The following GCA variants were observed in gnomAD, a reference collection of about 807,000 sequenced individuals.
GCA encodes grancalcin, EF-hand calcium-binding protein.
GCA carries 30 observed loss-of-function variants against 32.6 expected under a neutral mutation model. That is an observed-to-expected ratio of 0.92 (90% CI 0.69 to 1.25). GCA has a LOEUF of 1.25. Ranked by LOEUF, GCA falls within the 50% of genes most tolerant of loss-of-function variation. The pLI is 0.00. For missense variants in GCA, 291 were observed against 266.8 expected (o/e 1.09, Z -0.63); for synonymous variants, 102 against 84.6 (o/e 1.21, Z -1.13).
intron 3 of GCA, among the ~76,000 whole-genome samples, chr2:162,354,817 A>G (rs902922923): frequency 3.9e-5 from 6 of 152,148 alleles, no homozygotes; most frequent in South Asian, 2.1e-4. Flanking sequence ...TATGCCTTAA[A>G]TCAGTTTACT....
chr2:162,367,800 G>T (rs534771867), downstream of GCA, among the ~76,000 whole-genome samples: 1 of 151,986 alleles, frequency 6.6e-6, no homozygotes, highest in South Asian at 2.1e-4. Context: ...AGCATTTTTT[G>T]AGCACCTAGT....
intron 1 of GCA, among the ~76,000 whole-genome samples, chr2:162,321,136 A>C (rs1683648281): frequency 6.6e-6 from 1 of 152,192 alleles, no homozygotes; most frequent in Non-Finnish European, 1.5e-5. Flanking sequence ...GCCAAGACAC[A>C]ATCTCTCACA....
chr2:162,328,394 A>C (rs1683964000), intron 1 of GCA, among the ~76,000 whole-genome samples: 1 of 152,102 alleles, frequency 6.6e-6, no homozygotes, highest in East Asian at 1.9e-4. Context: ...CTGTCTCAAA[A>C]AAGAAAAGAA....
At chr2:162,352,306 CA>C (rs753017915) in intron 2 of GCA, 31 bp from the exon 3 acceptor site, 3 of 1,277,314 alleles carry the variant, frequency 2.3e-6, no homozygotes, top group Non-Finnish European at 2.3e-6. Context: ...TACAACTGCA[CA>C]TTAAATTAGG....
At chr2:162,345,134 G>GGTT (rs1684631838) in intron 1 of GCA, among the ~76,000 whole-genome samples, 1 of 149,352 alleles carries the variant, frequency 6.7e-6, no homozygotes, top group Admixed American at 6.7e-5. Flanking sequence ...TGGTGGTGGT[G>GGTT]GTTGTGGTTG....
intron 1 of GCA, among the ~76,000 whole-genome samples, chr2:162,345,689 G>T (rs1259458126): frequency 6.6e-6 from 1 of 152,012 alleles, no homozygotes; most frequent in Non-Finnish European, 1.5e-5. Flanking sequence ...ATTAATCGCC[G>T]GAAAGAGAAG....
rs977055010 is a variant in GCA at position 162,362,012 on chromosome 2, G to T, written c.*1769G>T. ...TAAAATGACAAATGGTATTATTCATGTAAGCTTCTGCCAGGTGACACTCTA... is the reference window on the plus strand; with the variant it reads ...TAAAATGACAAATGGTATTATTCATTTAAGCTTCTGCCAGGTGACACTCTA... On this transcript the variant is annotated 3_prime_UTR_variant, in exon 8 of 8. Transcript: ENST00000437150. 7.1e-6 allele frequency: 7 copies of T among 982,938 alleles called. No individual in the cohort carries two copies. The East Asian group carries it at 6.9e-4, about 96-fold the overall frequency. The allele number at this position is 982,938 out of a possible 1,614,324, so 60.9% of individuals were successfully genotyped here.
At chr2:162,344,447 C>A in intron 1 of GCA, 172 bp downstream of exon 1, 1 of 638,432 alleles carries the variant, frequency 1.6e-6, no homozygotes, top group South Asian at 1.9e-5. Flanking sequence ...GAGCATTGAT[C>A]CTGGGCTGAC....
At chr2:162,373,535 G>T, downstream of GCA, 1 of 1,589,344 alleles carries the variant, frequency 6.3e-7, no homozygotes, top group Non-Finnish European at 8.6e-7. Context: ...GTTCTCATCA[G>T]CTGGATGATG....
At position 162,350,790 on chromosome 2, in the gene GCA, A is replaced by G. The variant is rs547310593; in HGVS notation, c.193-1548A>G. 9.2e-5 allele frequency among the ~76,000 whole-genome samples: 14 copies of G among 152,322 alleles called. No homozygotes were observed. The East Asian group carries it at 2.5e-3, about 27-fold the overall frequency. On this transcript the variant is annotated intron_variant, in intron 2 of 7. Coordinates refer to ENST00000437150, the MANE Select transcript of GCA (RefSeq NM_012198.5). The stretch of plus-strand genomic sequence containing the variant: ...ACTCCATAAAGACAGGGTTCTGGTC[A>G]TATTTTCCCTACTTGACAGGTAGAT...
chr2:162,358,210 A>G (rs112127973), intron 5 of GCA, among the ~76,000 whole-genome samples: 1 of 151,544 alleles, frequency 6.6e-6, no homozygotes, highest in African/African-American at 2.4e-5. Context: ...TAAAATGTAT[A>G]CATCTCATTA....
downstream of GCA, chr2:162,372,028 T>A (rs751204689): frequency 6.2e-7 from 1 of 1,612,546 alleles, no homozygotes; most frequent in Non-Finnish European, 8.5e-7. Flanking sequence ...TGTGTTCAGA[T>A]GCACCCCACT....
intron 1 of GCA, among the ~76,000 whole-genome samples, chr2:162,326,603 G>A (rs913301374): frequency 2.0e-5 from 3 of 151,918 alleles, no homozygotes; most frequent in Non-Finnish European, 2.9e-5. Flanking sequence ...TGTAGTCTCC[G>A]CCTCCTGGGT....
At chr2:162,357,295 T>G (rs1160269409) in intron 5 of GCA, among the ~76,000 whole-genome samples, 1 of 151,832 alleles carries the variant, frequency 6.6e-6, no homozygotes, top group African/African-American at 2.4e-5. Flanking sequence ...CATGTTTTTG[T>G]CTTTTTTTTC....
chr2:162,324,213 C>T (rs1683791989), intron 1 of GCA, among the ~76,000 whole-genome samples: 1 of 152,204 alleles, frequency 6.6e-6, no homozygotes, highest in South Asian at 2.1e-4. Context: ...AGACCCTCTA[C>T]ATTGTCTCAA....
upstream of GCA, chr2:162,344,036 G>A (rs1684542299): frequency 1.7e-6 from 1 of 604,860 alleles, no homozygotes; most frequent in African/African-American, 1.8e-5. Context: ...CTGCAGCTGA[G>A]TTGGCTCCAA....
At chr2:162,324,511 T>C (rs1209456993) in intron 1 of GCA, among the ~76,000 whole-genome samples, 1 of 152,184 alleles carries the variant, frequency 6.6e-6, no homozygotes, top group African/African-American at 2.4e-5. Context: ...CAGCCTCCTA[T>C]GTGTTTTTCT....
chr2:162,366,598 A>C (rs1211877563), downstream of GCA, among the ~76,000 whole-genome samples: 1 of 151,926 alleles, frequency 6.6e-6, no homozygotes, highest in East Asian at 1.9e-4. Flanking sequence ...GATCAATCAC[A>C]ACACCTAATA....
intron 1 of GCA, among the ~76,000 whole-genome samples, chr2:162,326,509 CTTTCTTTTTTCT>C (rs1683885473): frequency 6.6e-6 from 1 of 151,986 alleles, no homozygotes. Context: ...CATTTCCCTT[CTTTCTTTTTTCT>C]TTTCTTTTTT....
Sources: allele counts gnomAD v4.1 joint callset (sites outside exome capture counted in the v4.1 genomes callset), GRCh38; gene constraint gnomAD v4.1.1; transcripts MANE v1.5; gene names NCBI Gene and HGNC (gene_info 2026-07-23, HGNC 2026-07-21).